The following SHISA9 variants were observed in gnomAD, a reference collection of about 807,000 sequenced individuals.
SHISA9 encodes the protein protein shisa-9.
In SHISA9, 13 loss-of-function variants were observed where a neutral mutation model predicts 38.0. The observed-to-expected ratio is 0.34, with a 90% CI of 0.22 to 0.54. The LOEUF (loss-of-function observed/expected upper bound fraction) is 0.54, where lower values mean the gene tolerates loss of function less well. Ranked by LOEUF, SHISA9 falls within the 20% of genes least tolerant of loss-of-function variation. SHISA9 has a pLI of 0.91. For missense variants in SHISA9, 538 were observed against 575.8 expected, an observed-to-expected ratio of 0.93 and a Z score of 0.67; for synonymous variants, 275 against 242.0, an observed-to-expected ratio of 1.14 and a Z score of -1.27.
intron 2 of SHISA9, among the ~76,000 whole-genome samples, chr16:12,921,037 C>T (rs2071321508): frequency 6.6e-6 from 1 of 152,170 alleles, no homozygotes; most frequent in Admixed American, 6.5e-5. Context: ...CATAAAATTA[C>T]TCTCTTTGGG....
At chr16:13,507,446 G>T in the SHISA9 span, among the ~76,000 whole-genome samples, 1 of 152,042 alleles carries the variant, frequency 6.6e-6, no homozygotes. Flanking sequence ...CTGGAGCAGC[G>T]ATTGTCTAAC....
chr16:13,539,361 A>C, the SHISA9 span, among the ~76,000 whole-genome samples: 17,939 of 80,316 alleles, frequency 0.22, 2,362 homozygotes, highest in East Asian at 0.49. Context: ...ATATATATAA[A>C]GACAGGATCT....
chr16:13,151,396 C>T (rs549823470), intron 2 of SHISA9, among the ~76,000 whole-genome samples: 2 of 152,174 alleles, frequency 1.3e-5, no homozygotes, highest in Non-Finnish European at 2.9e-5. Flanking sequence ...CATGAGCCAC[C>T]ACACCCAGTC....
At chr16:13,233,370 G>A (rs2051350819) in intron 4 of SHISA9, among the ~76,000 whole-genome samples, 1 of 152,138 alleles carries the variant, frequency 6.6e-6, no homozygotes, top group Non-Finnish European at 1.5e-5. Flanking sequence ...AAATTGAGTG[G>A]AAATTGGTAA....
At chr16:13,009,680 A>C (rs1025384658) in intron 2 of SHISA9, among the ~76,000 whole-genome samples, 18 of 152,198 alleles carry the variant, frequency 1.2e-4, no homozygotes, top group African/African-American at 4.3e-4. Context: ...TTCAAAAATC[A>C]CAGAATCCCA....
the SHISA9 span, among the ~76,000 whole-genome samples, chr16:13,450,921 C>T: frequency 6.6e-6 from 1 of 152,176 alleles, no homozygotes; most frequent in Admixed American, 6.5e-5. Context: ...CCACGGAGAA[C>T]TGTGACCGAT....
the SHISA9 span, among the ~76,000 whole-genome samples, chr16:13,247,457 G>A: frequency 6.6e-6 from 1 of 152,200 alleles, no homozygotes; most frequent in South Asian, 2.1e-4. Flanking sequence ...CTTACTCAAG[G>A]TCACAGAGCA....
At chr16:13,111,553 A>G (rs1266483321) in intron 2 of SHISA9, among the ~76,000 whole-genome samples, 1 of 152,188 alleles carries the variant, frequency 6.6e-6, no homozygotes, top group African/African-American at 2.4e-5. Context: ...TCTGTGTAAG[A>G]CACTTAGCAT....
At chr16:13,034,414 A>G (rs971957359) in intron 2 of SHISA9, among the ~76,000 whole-genome samples, 1 of 152,176 alleles carries the variant, frequency 6.6e-6, no homozygotes, top group African/African-American at 2.4e-5. Context: ...AAGTCAGGTC[A>G]TTGGGATGTT....
At chr16:13,527,696 C>T in the SHISA9 span, among the ~76,000 whole-genome samples, 1,272 of 152,124 alleles carry the variant, frequency 8.4e-3, 15 homozygotes, top group African/African-American at 0.028. Context: ...CTGTTTGCCC[C>T]GACACTCAGA....
At chr16:13,112,651 A>G (rs1450142096) in intron 2 of SHISA9, among the ~76,000 whole-genome samples, 1 of 152,046 alleles carries the variant, frequency 6.6e-6, no homozygotes, top group Non-Finnish European at 1.5e-5. Context: ...AAAACAAATT[A>G]AAGACCAGTC....
At chr16:12,985,225 ATAAATAAATAAATAAG>A (rs1404827608) in intron 2 of SHISA9, among the ~76,000 whole-genome samples, 2 of 144,506 alleles carry the variant, frequency 1.4e-5, no homozygotes, top group African/African-American at 5.5e-5. Context: ...TCAACGAAAA[ATAAATAAATAAATAAG>A]TAAATAAATA....
At chr16:13,080,774 A>G (rs1434729191) in intron 2 of SHISA9, among the ~76,000 whole-genome samples, 2 of 152,238 alleles carry the variant, frequency 1.3e-5, no homozygotes, top group African/African-American at 4.8e-5. Flanking sequence ...GGTTGTTACT[A>G]TGTGTGTTAG....
At chr16:13,157,951 G>A (rs538113381) in intron 2 of SHISA9, among the ~76,000 whole-genome samples, 8 of 152,286 alleles carry the variant, frequency 5.3e-5, no homozygotes, top group Admixed American at 2.0e-4. Context: ...CATCTCCAGG[G>A]TTCTTAGCCC....
chr16:13,287,346 G>A, the SHISA9 span, among the ~76,000 whole-genome samples: 1 of 152,078 alleles, frequency 6.6e-6, no homozygotes, highest in African/African-American at 2.4e-5. Context: ...TTCATATGTC[G>A]CTTATGTGCG....
chr16:13,090,137 T>C (rs1466970218), intron 2 of SHISA9, among the ~76,000 whole-genome samples: 7 of 152,248 alleles, frequency 4.6e-5, no homozygotes, highest in Admixed American at 1.3e-4. Flanking sequence ...TATTCTGAGT[T>C]CTAATTTGAT....
the SHISA9 span, among the ~76,000 whole-genome samples, chr16:13,389,806 T>A: frequency 6.6e-6 from 1 of 152,212 alleles, no homozygotes; most frequent in Non-Finnish European, 1.5e-5. Flanking sequence ...GCTGCGATTG[T>A]CCTGGAAAAT....
chr16:12,918,733 C>G (rs2071290418), intron 2 of SHISA9, among the ~76,000 whole-genome samples: 2 of 152,140 alleles, frequency 1.3e-5, no homozygotes, highest in Non-Finnish European at 2.9e-5. Context: ...TAATAGTGTA[C>G]TGGGTAGCAC....
At chr16:13,485,467 C>A in the SHISA9 span, among the ~76,000 whole-genome samples, 2 of 152,030 alleles carry the variant, frequency 1.3e-5, no homozygotes, top group Non-Finnish European at 2.9e-5. Context: ...GTTCTCATAC[C>A]ATATTGCTTC....
Sources: gnomAD v4.1 joint callset for allele counts (sites outside exome capture counted in the v4.1 genomes callset) on GRCh38, gnomAD v4.1.1 for gene constraint, MANE v1.5 for transcripts, NCBI Gene and HGNC (gene_info 2026-07-23, HGNC 2026-07-21) for gene names.